Variants in FSD1L observed in about 807,000 individuals in gnomAD.
FSD1L encodes the protein fibronectin type III and SPRY domain containing 1 like.
FSD1L carries 45 observed loss-of-function variants against 71.6 expected under a neutral mutation model. The ratio of observed to expected loss-of-function variants is 0.63; its 90% CI spans 0.49 to 0.81. The LOEUF (loss-of-function observed/expected upper bound fraction) is 0.81, where lower values mean the gene tolerates loss of function less well. Among genes scored for constraint, FSD1L ranks in the 30% least tolerant of loss-of-function variants. FSD1L has a pLI of 0.00. For missense variants in FSD1L, 561 were observed against 618.1 expected, an observed-to-expected ratio of 0.91 and a Z score of 0.98; for synonymous variants, 197 against 207.2, an observed-to-expected ratio of 0.95 and a Z score of 0.42.
chr9:105,507,985 A>G (rs1834156018), intron 8 of FSD1L, among the ~76,000 whole-genome samples: 1 of 143,772 alleles, frequency 7.0e-6, no homozygotes, highest in Admixed American at 7.3e-5. Context: ...TCTGCCTCCC[A>G]GGTCCAAGTG....
chr9:105,522,369 G>C (rs1413038358), intron 10 of FSD1L: 1 of 1,613,990 alleles, frequency 6.2e-7, no homozygotes, highest in Admixed American at 1.7e-5. Context: ...AGTTGGACAT[G>C]AATTTCAGAA....
chr9:105,484,346 C>T, intron 6 of FSD1L, 35 bp from the exon 7 acceptor site: 1 of 1,406,376 alleles, frequency 7.1e-7, no homozygotes, highest in Non-Finnish European at 9.3e-7. Flanking sequence ...CTTCCTATTT[C>T]TTTATTTTAA....
chr9:105,494,354 G>T (rs1392836831), intron 7 of FSD1L, among the ~76,000 whole-genome samples: 1 of 152,060 alleles, frequency 6.6e-6, no homozygotes, highest in Non-Finnish European at 1.5e-5. Context: ...AGCTCCATCA[G>T]CTCCTTTAAG....
At chr9:105,479,525 G>T in intron 6 of FSD1L, 149 bp downstream of exon 6, 2 of 649,558 alleles carry the variant, frequency 3.1e-6, no homozygotes, top group Non-Finnish European at 2.5e-6. Context: ...GTATTTTCTT[G>T]GAATAACCAT....
At chr9:105,453,116 T>TG (rs1353256782) in intron 1 of FSD1L, among the ~76,000 whole-genome samples, 3 of 127,424 alleles carry the variant, frequency 2.4e-5, no homozygotes, top group African/African-American at 5.9e-5. Context: ...ATAAAGAACA[T>TG]GATTTAGGTA....
chr9:105,513,008 A>T, intron 10 of FSD1L, 72 bp downstream of exon 10: 3 of 1,297,982 alleles, frequency 2.3e-6, no homozygotes, highest in Non-Finnish European at 2.0e-6. Context: ...AATAACTTTT[A>T]TTGAAATTCT....
intron 5 of FSD1L, among the ~76,000 whole-genome samples, chr9:105,476,317 C>G (rs1831799712): frequency 6.6e-6 from 1 of 152,154 alleles, no homozygotes; most frequent in South Asian, 2.1e-4. Flanking sequence ...CCCTCCATCT[C>G]TTAGTTAATT....
At chr9:105,534,743 T>C in intron 11 of FSD1L, 150 bp downstream of exon 11, 1 of 602,566 alleles carries the variant, frequency 1.7e-6, no homozygotes, top group Non-Finnish European at 2.9e-6. Context: ...TTTGGGGAGT[T>C]TTCAGATTGT....
At chr9:105,535,886 G>T (rs1425454670) in intron 12 of FSD1L, among the ~76,000 whole-genome samples, 3 of 152,068 alleles carry the variant, frequency 2.0e-5, no homozygotes, top group African/African-American at 7.2e-5. Flanking sequence ...GTGCCAAACC[G>T]CATCACACTT....
intron 4 of FSD1L, 126 bp downstream of exon 4, chr9:105,468,450 G>T: frequency 7.5e-6 from 5 of 662,794 alleles, no homozygotes; most frequent in South Asian, 3.3e-5. Flanking sequence ...ATGGTTTTTT[G>T]TTTTGGCCAT....
intron 10 of FSD1L, among the ~76,000 whole-genome samples, chr9:105,514,805 T>A (rs534896875): frequency 6.6e-6 from 1 of 152,284 alleles, no homozygotes; most frequent in South Asian, 2.1e-4. Context: ...ATCTTCTCAC[T>A]GCCAGCAAGC....
rs754896606 is a variant in FSD1L, at chr9:105,533,416, CTTTTTT to C, written c.1026-1058_1026-1053del. Among the ~76,000 whole-genome samples, 12 of 29,070 alleles carry C rather than the reference CTTTTTT, an allele frequency of 4.1e-4. 1 individual carries two copies. The highest frequency in any genetic ancestry group is 1.2e-3 in the East Asian group (1 of 814). The allele number at this position is 29,070 out of a possible 152,430, so 19.1% of individuals were successfully genotyped here. On this transcript the variant is annotated intron_variant, in intron 10 of 13. Coordinates refer to ENST00000481272, the MANE Select transcript of FSD1L (RefSeq NM_001145313.3). The stretch of plus-strand genomic sequence containing the variant: ...GGATTTGGATAATTGCCATTTCCAT[CTTTTTT>C]TTTTTTTTTTTTTTTTTTGAGATGG...
Position 105,487,424 on chromosome 9 carries a change from GT to G in FSD1L, c.586+2934del, listed in dbSNP as rs1157607762. Among the ~76,000 whole-genome samples, 604 of 144,010 alleles carry G rather than the reference GT, an allele frequency of 4.2e-3. 8 individuals are homozygous for G. The highest frequency in any genetic ancestry group is 0.023 in the Admixed American group (328 of 14,454). 94.5% of individuals were successfully genotyped at this position (144,010 alleles called of 152,430 possible). On this transcript the variant is annotated intron_variant, in intron 7 of 13. Transcript: ENST00000481272. ...ATACTGCTGCAAACACTGCTGTCAG[GT>G]TTTTTTTTTTTCCTATTCTAATAGG...
chr9:105,477,341 G>T (rs138631576), intron 5 of FSD1L, among the ~76,000 whole-genome samples: 5 of 152,256 alleles, frequency 3.3e-5, no homozygotes, highest in African/African-American at 1.2e-4. Context: ...TTTGTTATTG[G>T]GCAAGTTTCC....
chr9:105,526,282 A>G, intron 10 of FSD1L: 1 of 1,606,368 alleles, frequency 6.2e-7, no homozygotes, highest in Non-Finnish European at 8.5e-7. Context: ...CTTAGAACCA[A>G]CAACATTTGA....
intron 2 of FSD1L, among the ~76,000 whole-genome samples, chr9:105,462,715 G>A (rs1421327650): frequency 2.7e-5 from 4 of 150,310 alleles, no homozygotes; most frequent in Admixed American, 2.0e-4. Flanking sequence ...TAGAGACGGG[G>A]TTTCACCATG....
intron 9 of FSD1L, among the ~76,000 whole-genome samples, chr9:105,510,771 T>G (rs982928045): frequency 1.6e-4 from 24 of 152,172 alleles, no homozygotes; most frequent in Non-Finnish European, 1.5e-5. Context: ...ATTAAATTAC[T>G]AAATCACAAA....
chr9:105,506,407 G>T lies in FSD1L; in HGVS notation c.595G>T (p.Ala199Ser). Residue 199 changes from alanine (A) to serine (S), a missense_variant, in exon 8 of 14, where the codon GCT becomes TCT. This residue lies in a region of FSD1L where 410 missense variants were observed against 413.5 expected (regional missense o/e 0.99). Coordinates refer to ENST00000481272, the MANE Select transcript of FSD1L (RefSeq NM_001145313.3). ...TTTTTTCTTCTTTGCAGTCCCCAAA[G>T]CTCCAGAGATAGATCCAGTAGAGTG... ...QTLKFLPVPK[A>S]PEIDPVECLV... 2 of 1,548,494 alleles carry T rather than the reference G, an allele frequency of 1.3e-6. No individual in the cohort carries two copies. Among genetic ancestry groups the T allele is most frequent in the Non-Finnish European group, 1.7e-6 (2 of 1,144,952 alleles).
At position 105,546,982 on chromosome 9, in the gene FSD1L, A is replaced by C. The variant is rs558283639; in HGVS notation, c.*499A>C. On this transcript the variant is annotated 3_prime_UTR_variant, in exon 14 of 14. Transcript: ENST00000481272. ...TGTTGGGAATGGTAAAAAGGTTTTC[A>C]AATGGTTTATTTTTCCTCTTTTATA... 6.6e-6 allele frequency: 1 copy of C among 152,122 alleles called. No homozygotes were observed. Among genetic ancestry groups the C allele is most frequent in the Non-Finnish European group, 1.5e-5 (1 of 68,000 alleles). 9.4% of individuals were successfully genotyped at this position (152,122 alleles called of 1,614,324 possible).
Sources: gnomAD v4.1 joint callset for allele counts (sites outside exome capture counted in the v4.1 genomes callset) on GRCh38, gnomAD v4.1.1 for gene constraint, gnomAD v4.1.1 regional missense constraint, MANE v1.5 for transcripts, NCBI Gene and HGNC (gene_info 2026-07-23, HGNC 2026-07-21) for gene names.